COG5: variants seen among roughly 807,000 people sequenced by gnomAD.
COG5 encodes component of oligomeric golgi complex 5.
Under a neutral mutation model 110.4 loss-of-function variants are expected in COG5, and 86 were observed. The observed-to-expected ratio is 0.78, with a 90% CI of 0.65 to 0.93. The LOEUF (loss-of-function observed/expected upper bound fraction) is 0.93. Among genes scored for constraint, COG5 ranks in the 40% least tolerant of loss-of-function variants. The pLI, the probability that COG5 is intolerant of heterozygous loss-of-function variation, is 0.00. For missense variants in COG5, 1,077 were observed against 987.0 expected (o/e 1.09, Z -1.22); for synonymous variants, 360 against 334.6 (o/e 1.08, Z -0.83).
chr7:107,338,016 T>G (rs1054709360), intron 10 of COG5, among the ~76,000 whole-genome samples: 2 of 152,154 alleles, frequency 1.3e-5, no homozygotes, highest in Non-Finnish European at 2.9e-5. Flanking sequence ...AATGTTACCA[T>G]AATGCACTGA....
chr7:107,317,031 A>T (rs562657781), intron 11 of COG5, among the ~76,000 whole-genome samples: 13 of 152,242 alleles, frequency 8.5e-5, no homozygotes, highest in African/African-American at 2.9e-4. Context: ...TTTAATGAGG[A>T]ACTTTTGCTT....
chr7:107,551,040 T>C (rs1398497860), intron 3 of COG5, among the ~76,000 whole-genome samples: 1 of 151,892 alleles, frequency 6.6e-6, no homozygotes, highest in African/African-American at 2.4e-5. Context: ...AGGCTACCTT[T>C]GTTTTTTGTT....
At chr7:107,227,192 TAATC>T (rs1321370157) in intron 19 of COG5, among the ~76,000 whole-genome samples, 2 of 152,126 alleles carry the variant, frequency 1.3e-5, no homozygotes, top group Non-Finnish European at 2.9e-5. Context: ...TGGGTTAAAA[TAATC>T]AAATGAAATA....
intron 6 of COG5, among the ~76,000 whole-genome samples, chr7:107,465,054 G>C (rs535770456): frequency 1.2e-4 from 18 of 152,142 alleles, no homozygotes; most frequent in Non-Finnish European, 8.8e-5. Context: ...AGAATGTTCA[G>C]GGATATTCAG....
chr7:107,349,443 G>GA (rs1446675592), intron 10 of COG5, among the ~76,000 whole-genome samples: 1 of 152,068 alleles, frequency 6.6e-6, no homozygotes, highest in African/African-American at 2.4e-5. Context: ...CTGTCGCCCA[G>GA]GCTGGAGTGC....
At chr7:107,453,272 T>C (rs539336498) in intron 6 of COG5, among the ~76,000 whole-genome samples, 146 of 152,300 alleles carry the variant, frequency 9.6e-4, no homozygotes, top group Non-Finnish European at 1.4e-3. Flanking sequence ...GTACATTCAA[T>C]AGATATAAAC....
chr7:107,543,773 C>A (rs759627759), intron 5 of COG5, among the ~76,000 whole-genome samples: 1 of 152,060 alleles, frequency 6.6e-6, no homozygotes, highest in South Asian at 2.1e-4. Flanking sequence ...GCCTGCCCTA[C>A]GGGTCCACAT....
chr7:107,453,405 A>G (rs1353753497), intron 6 of COG5, among the ~76,000 whole-genome samples: 1 of 152,204 alleles, frequency 6.6e-6, no homozygotes, highest in African/African-American at 2.4e-5. Context: ...TGGGTAAGTA[A>G]GCAAAGCTAA....
chr7:107,422,358 T>A (rs972168552), intron 6 of COG5, among the ~76,000 whole-genome samples: 1 of 150,836 alleles, frequency 6.6e-6, no homozygotes, highest in African/African-American at 2.4e-5. Flanking sequence ...ACCCTGTCTC[T>A]ACTACTAAAA....
intron 6 of COG5, among the ~76,000 whole-genome samples, chr7:107,513,299 G>A (rs1419092655): frequency 6.6e-6 from 1 of 152,060 alleles, no homozygotes; most frequent in African/African-American, 2.4e-5. Flanking sequence ...ATGAAAAAAT[G>A]CTCATCATCA....
intron 12 of COG5, among the ~76,000 whole-genome samples, chr7:107,288,293 T>C (rs1419838978): frequency 6.6e-6 from 1 of 152,142 alleles, no homozygotes; most frequent in African/African-American, 2.4e-5. Context: ...GCCGGAGAGT[T>C]AGAGGATGCA....
intron 6 of COG5, among the ~76,000 whole-genome samples, chr7:107,501,983 G>A (rs1798664930): frequency 6.6e-6 from 1 of 152,042 alleles, no homozygotes; most frequent in South Asian, 2.1e-4. Context: ...CACAATAAAG[G>A]GAAAACGAGA....
At chr7:107,388,001 A>T (rs1790331729) in intron 7 of COG5, among the ~76,000 whole-genome samples, 1 of 152,202 alleles carries the variant, frequency 6.6e-6, no homozygotes, top group Non-Finnish European at 1.5e-5. Flanking sequence ...CCATTGGCTT[A>T]TGGTAATAAT....
At chr7:107,385,808 T>TA (rs1013896934) in intron 7 of COG5, among the ~76,000 whole-genome samples, 9 of 148,082 alleles carry the variant, frequency 6.1e-5, no homozygotes, top group African/African-American at 1.5e-4. Context: ...TTATTTTCTT[T>TA]TTTTTTTTTT....
intron 14 of COG5, among the ~76,000 whole-genome samples, chr7:107,259,665 A>T (rs1471749456): frequency 6.6e-6 from 1 of 152,202 alleles, no homozygotes; most frequent in African/African-American, 2.4e-5. Context: ...TGTACAATTT[A>T]AAAAATCCAA....
chr7:107,287,242 T>C (rs983653896), intron 12 of COG5, among the ~76,000 whole-genome samples: 1 of 152,214 alleles, frequency 6.6e-6, no homozygotes, highest in Admixed American at 6.5e-5. Flanking sequence ...GGTTAGGCCC[T>C]TGCAGTTTGG....
Position 107,474,731 on chromosome 7 carries a change from T to G in COG5, c.538+52506A>C. 2 of 1,611,144 alleles carry G rather than the reference T, an allele frequency of 1.2e-6. No individual in the cohort carries two copies. Among genetic ancestry groups the G allele is most frequent in the Non-Finnish European group, 1.7e-6 (2 of 1,178,524 alleles). On this transcript the variant is annotated intron_variant, in intron 6 of 21. Transcript: ENST00000297135. This position sits in a 1 kb window ranked among gnomAD's most constrained non-coding sequence, Gnocchi z 5.7. Reference sequence around the variant, plus strand: ...CAGATCCCAATATTCTTTTTCACTGTTGTAGTAATGTTAATCACATACACC... The same window carrying G: ...CAGATCCCAATATTCTTTTTCACTGGTGTAGTAATGTTAATCACATACACC...
rs763462461 is a variant in COG5 at position 107,236,666 on chromosome 7, T to C, written c.1875A>G (p.Lys625=). ...TGTACAGAGAACAAGGAACATCAGG[T>C]TTTCCTGAGCTGGATAATGACCTGT... ...DFSGSLSSSG[K]PDVPCSLYMK... is the part of the protein sequence containing the mutation. The change falls in exon 18 of 22, where the codon AAA becomes AAG. Residue 625 remains lysine (K), a synonymous_variant. Coordinates refer to ENST00000297135, the MANE Select transcript of COG5 (RefSeq NM_006348.5). The C allele has an allele frequency of 5.6e-6, 9 of 1,613,712 alleles. No individual in the cohort carries two copies. The South Asian group carries it at 8.8e-5, about 16-fold the overall frequency.
intron 11 of COG5, among the ~76,000 whole-genome samples, chr7:107,318,194 A>T (rs1249850097): frequency 2.6e-5 from 4 of 151,954 alleles, no homozygotes; most frequent in African/African-American, 9.7e-5. Flanking sequence ...CACCCAGCTA[A>T]TTTTTTGTAT....
Sources: allele counts gnomAD v4.1 joint callset (sites outside exome capture counted in the v4.1 genomes callset), GRCh38; gene constraint gnomAD v4.1.1; non-coding constraint Gnocchi (gnomAD v3.1); transcripts MANE v1.5; gene names NCBI Gene and HGNC (gene_info 2026-07-23, HGNC 2026-07-21).